Variants in SLC25A24 observed in about 807,000 individuals in gnomAD.
SLC25A24 encodes the protein solute carrier family 25 member 24, also known as mitochondrial adenyl nucleotide antiporter SLC25A24.
In SLC25A24, 49 loss-of-function variants were observed where a neutral mutation model predicts 60.7. The observed-to-expected ratio is 0.81, with a 90% CI of 0.64 to 1.02. The LOEUF is 1.02. SLC25A24 is among the 50% of genes least tolerant of loss of function. The pLI, the probability that SLC25A24 is intolerant of heterozygous loss-of-function variation, is 0.00. For synonymous variants in SLC25A24, 202 were observed against 200.6 expected (o/e 1.01, Z -0.06); for missense variants, 564 against 586.3 (o/e 0.96, Z 0.39).
chr1:108,199,127 A>G (rs755568330), intron 1 of SLC25A24: 4 of 152,232 alleles, frequency 2.6e-5, no homozygotes, highest in African/African-American at 4.8e-5. Flanking sequence ...TCTAGAAGAA[A>G]CAGTAAACTG....
intron 6 of SLC25A24, among the ~76,000 whole-genome samples, chr1:108,149,068 T>C (rs1286513671): frequency 1.3e-5 from 2 of 152,212 alleles, no homozygotes; most frequent in East Asian, 3.9e-4. Flanking sequence ...AATCAAGTTT[T>C]CACAATGTTT....
chr1:108,180,137 G>A (rs1647860430), intron 3 of SLC25A24, among the ~76,000 whole-genome samples: 1 of 152,202 alleles, frequency 6.6e-6, no homozygotes, highest in African/African-American at 2.4e-5. Context: ...GCCAAGATGG[G>A]TGGATCACCT....
intron 2 of SLC25A24, among the ~76,000 whole-genome samples, chr1:108,183,424 C>A (rs958144364): frequency 6.6e-6 from 1 of 152,232 alleles, no homozygotes; most frequent in Non-Finnish European, 1.5e-5. Context: ...GTTCTATATT[C>A]ATTGCAAACA....
At position 108,160,243 on chromosome 1, in the gene SLC25A24, G is replaced by T. The variant is rs535541411; in HGVS notation, c.510+939C>A. 9.1e-4 allele frequency among the ~76,000 whole-genome samples: 137 copies of T among 151,340 alleles called. 1 individual carries two copies. Among genetic ancestry groups the T allele is most frequent in the Admixed American group, 7.3e-3 (110 of 15,172 alleles). On this transcript the variant is annotated intron_variant, in intron 4 of 9. Transcript: ENST00000565488. ...GCGCTCCTCACATCCCAGACGGGGC[G>T]GCGGGGCAGAGGCGCTCCCCACATC... is the stretch of plus-strand genomic sequence containing the variant.
chr1:108,199,933 G>A, intron 1 of SLC25A24, 23 bp downstream of exon 1: 2 of 1,585,586 alleles, frequency 1.3e-6, no homozygotes, highest in South Asian at 1.1e-5. Flanking sequence ...CTACGCTCAG[G>A]CGGCGCCCCG....
At chr1:108,189,895 A>G (rs1244181007) in intron 1 of SLC25A24, among the ~76,000 whole-genome samples, 2 of 149,188 alleles carry the variant, frequency 1.3e-5, no homozygotes, top group African/African-American at 2.6e-5. Flanking sequence ...GTATATATAG[A>G]GAGAGTATAT....
intron 3 of SLC25A24, among the ~76,000 whole-genome samples, chr1:108,166,235 T>G (rs1372784623): frequency 6.6e-6 from 1 of 152,146 alleles, no homozygotes; most frequent in African/African-American, 2.4e-5. Flanking sequence ...CATTTTTTCC[T>G]TCATTTCAAC....
chr1:108,165,486 G>A (rs936132971), intron 3 of SLC25A24, among the ~76,000 whole-genome samples: 9 of 152,010 alleles, frequency 5.9e-5, no homozygotes, highest in African/African-American at 1.7e-4. Context: ...CCTGTATTGG[G>A]TGCATATATA....
At chr1:108,152,353 T>C (rs908616634) in intron 6 of SLC25A24, among the ~76,000 whole-genome samples, 1 of 152,030 alleles carries the variant, frequency 6.6e-6, no homozygotes, top group Non-Finnish European at 1.5e-5. Flanking sequence ...AATCCTTATC[T>C]TCCCCTTTAT....
Position 108,155,098 on chromosome 1 carries a change from C to T in SLC25A24, c.707G>A (p.Gly236Asp). Residue 236 changes from glycine to aspartate, a missense_variant, in exon 6 of 10, where the codon GGT (glycine) becomes GAT (aspartate). Gly to Asp is a moderately conservative substitution (Grantham distance 94). Transcript: ENST00000565488. Reference protein sequence around the residue: ...GSKSDKMNIFGGFRQMVKEGG... With the variant: ...GSKSDKMNIFDGFRQMVKEGG... ...TTCTTTTACCATCTGTCGAAAGCCA[C>T]CAAATATGTTCATTTTGTCTGATTT... is the stretch of plus-strand genomic sequence containing the variant. 1 of 1,611,832 alleles carries T rather than the reference C, an allele frequency of 6.2e-7. No homozygotes were observed. The highest frequency in any genetic ancestry group is 8.5e-7 in the Non-Finnish European group (1 of 1,178,920).
chr1:108,191,608 A>G (rs903025806), intron 1 of SLC25A24, among the ~76,000 whole-genome samples: 3 of 139,876 alleles, frequency 2.1e-5, no homozygotes, highest in African/African-American at 7.5e-5. Flanking sequence ...AATGTGCTCA[A>G]ACTAGAACTG....
chr1:108,182,377 T>A (rs201918521), intron 2 of SLC25A24, among the ~76,000 whole-genome samples: 1 of 152,188 alleles, frequency 6.6e-6, no homozygotes, highest in Non-Finnish European at 1.5e-5. Context: ...AACTCCAAGA[T>A]AAATTCAATT....
At chr1:108,169,879 T>C (rs969457921) in intron 3 of SLC25A24, among the ~76,000 whole-genome samples, 1 of 152,178 alleles carries the variant, frequency 6.6e-6, no homozygotes, top group African/African-American at 2.4e-5. Context: ...TTTTTAAAAG[T>C]CCTTATGTGC....
At chr1:108,176,134 A>G (rs1456938705) in intron 3 of SLC25A24, among the ~76,000 whole-genome samples, 1 of 152,198 alleles carries the variant, frequency 6.6e-6, no homozygotes, top group African/African-American at 2.4e-5. Flanking sequence ...TGAAATTAGG[A>G]AAATAACGAG....
rs755430504 is a variant in SLC25A24 at position 108,199,926 on chromosome 1, C to T, written c.183+30G>A. ...TCCCCAGCGCCCGCAGCCCTCCCTA[C>T]GCTCAGGCGGCGCCCCGGCGGCGAC... On this transcript the variant is annotated intron_variant, in intron 1 of 9. Coordinates refer to ENST00000565488, the MANE Select transcript of SLC25A24 (RefSeq NM_013386.5). 17 of 1,568,850 alleles carry T rather than the reference C, an allele frequency of 1.1e-5. No individual in the cohort carries two copies. In the Admixed American group the frequency reaches 3.0e-4, roughly 28 times the overall value.
At chr1:108,170,200 A>C (rs1389537628) in intron 3 of SLC25A24, among the ~76,000 whole-genome samples, 5 of 152,224 alleles carry the variant, frequency 3.3e-5, no homozygotes, top group Non-Finnish European at 7.4e-5. Context: ...CGTGTCCTTG[A>C]ATTTCCACTT....
At chr1:108,176,864 AC>A (rs1218083560) in intron 3 of SLC25A24, among the ~76,000 whole-genome samples, 1 of 152,136 alleles carries the variant, frequency 6.6e-6, no homozygotes, top group African/African-American at 2.4e-5. Context: ...TTTATAAGAA[AC>A]GTAAAAGGAG....
rs563913654 is a variant in SLC25A24, at chr1:108,183,808, C to T, written c.311-1780G>A. On this transcript the variant is annotated intron_variant, in intron 2 of 9. Coordinates refer to ENST00000565488, the MANE Select transcript of SLC25A24 (RefSeq NM_013386.5). The stretch of plus-strand genomic sequence containing the variant: ...TACTTGCTAGTTAATAGTATGAGAG[C>T]TGAAACAAGAAGGCAGAGTATTGCC... Among the ~76,000 whole-genome samples the T allele has an allele frequency of 3.3e-5, 5 of 152,238 alleles. No individual in the cohort carries two copies. The South Asian group carries it at 1.0e-3, about 32-fold the overall frequency.
chr1:108,169,357 T>C (rs372977468), intron 3 of SLC25A24, among the ~76,000 whole-genome samples: 1 of 152,214 alleles, frequency 6.6e-6, no homozygotes, highest in East Asian at 1.9e-4. Context: ...AGGTGGGTTT[T>C]TTTAATGGCA....
Sources: allele counts gnomAD v4.1 joint callset (sites outside exome capture counted in the v4.1 genomes callset), GRCh38; gene constraint gnomAD v4.1.1; transcripts MANE v1.5; gene names NCBI Gene and HGNC (gene_info 2026-07-23, HGNC 2026-07-21).